MYZAP: variants seen among roughly 807,000 people sequenced by gnomAD.
MYZAP encodes myocardial zonula adherens protein.
In MYZAP, 66 loss-of-function variants were observed where a neutral mutation model predicts 69.4. The observed-to-expected ratio is 0.95, with a 90% CI of 0.78 to 1.17. The LOEUF (loss-of-function observed/expected upper bound fraction) is 1.17. Ranked by LOEUF, MYZAP falls within the 50% of genes most tolerant of loss-of-function variation. The pLI is 0.00. For synonymous variants in MYZAP, 256 were observed against 205.9 expected, an observed-to-expected ratio of 1.24 and a Z score of -2.09; for missense variants, 611 against 556.2, an observed-to-expected ratio of 1.10 and a Z score of -0.99.
chr15:57,653,071 G>A (rs1336757702), intron 10 of MYZAP, among the ~76,000 whole-genome samples: 2 of 152,012 alleles, frequency 1.3e-5, no homozygotes, highest in Non-Finnish European at 2.9e-5. Context: ...ATAAATGAGG[G>A]CCCACGAGAA....
chr15:57,609,980 T>C (rs1190205294), intron 2 of MYZAP, among the ~76,000 whole-genome samples: 1 of 152,208 alleles, frequency 6.6e-6, no homozygotes, highest in African/African-American at 2.4e-5. Flanking sequence ...ACACCAGCTA[T>C]TGCAGACTTA....
chr15:57,597,181 C>T (rs1201734001), intron 1 of MYZAP, among the ~76,000 whole-genome samples: 7 of 152,150 alleles, frequency 4.6e-5, no homozygotes, highest in Admixed American at 1.3e-4. Flanking sequence ...TCTGGGAAGT[C>T]CTCCAAATAT....
At chr15:57,670,661 T>C (rs568475146) in intron 11 of MYZAP, among the ~76,000 whole-genome samples, 1 of 152,204 alleles carries the variant, frequency 6.6e-6, no homozygotes, top group Non-Finnish European at 1.5e-5. Context: ...GTTTTGCTTA[T>C]TTTGCTTGCT....
chr15:57,596,615 C>T (rs2034075445), intron 1 of MYZAP, among the ~76,000 whole-genome samples: 1 of 152,178 alleles, frequency 6.6e-6, no homozygotes, highest in African/African-American at 2.4e-5. Flanking sequence ...TAAATCTAGT[C>T]TCCTGACTCG....
chr15:57,614,204 C>A (rs1433438803), intron 2 of MYZAP, among the ~76,000 whole-genome samples: 1 of 152,224 alleles, frequency 6.6e-6, no homozygotes, highest in Non-Finnish European at 1.5e-5. Context: ...CAGACCTCTC[C>A]CAACTTCTAA....
At chr15:57,646,259 ACT>A in intron 10 of MYZAP, 1 of 1,287,224 alleles carries the variant, frequency 7.8e-7, no homozygotes, top group African/African-American at 1.5e-5. Context: ...ACACTTGTAC[ACT>A]CTCTGCTGGG....
At chr15:57,678,411 G>A (rs1408792850) in intron 12 of MYZAP, among the ~76,000 whole-genome samples, 1 of 151,990 alleles carries the variant, frequency 6.6e-6, no homozygotes, top group Non-Finnish European at 1.5e-5. Context: ...CATGGTAACT[G>A]GACCAGAGTT....
chr15:57,596,791 T>G (rs1447918096), intron 1 of MYZAP, among the ~76,000 whole-genome samples: 1 of 152,198 alleles, frequency 6.6e-6, no homozygotes, highest in East Asian at 1.9e-4. Context: ...TCGATGCCGT[T>G]CCTTGCCTCT....
intron 1 of MYZAP, chr15:57,599,783 AGACTGTACTCG>A (rs1228696119): frequency 9.2e-7 from 1 of 1,091,266 alleles, no homozygotes; most frequent in Non-Finnish European, 1.2e-6. Context: ...GGAGGGAGGT[AGACTGTACTCG>A]GACAACTTTA....
At chr15:57,613,828 A>G (rs2934433) in intron 2 of MYZAP, among the ~76,000 whole-genome samples, 10,705 of 152,254 alleles carry the variant, frequency 0.07, 1,027 homozygotes, top group African/African-American at 0.22. Context: ...GGAAATAAAT[A>G]TACATCATCT....
At chr15:57,673,460 A>ATGTGTG (rs1195764391) in intron 11 of MYZAP, among the ~76,000 whole-genome samples, 6 of 72,866 alleles carry the variant, frequency 8.2e-5, no homozygotes, top group African/African-American at 3.1e-4. Context: ...GCATGCGTGC[A>ATGTGTG]TGCGTGTGTG....
At chr15:57,665,104 A>T (rs937276672) in intron 11 of MYZAP, among the ~76,000 whole-genome samples, 1 of 152,184 alleles carries the variant, frequency 6.6e-6, no homozygotes, top group Non-Finnish European at 1.5e-5. Flanking sequence ...CTCATCCTCA[A>T]AGTTGGAGAC....
chr15:57,618,361 T>C (rs2035608146), intron 3 of MYZAP, among the ~76,000 whole-genome samples, 173 bp downstream of exon 3: 1 of 152,256 alleles, frequency 6.6e-6, no homozygotes, highest in Admixed American at 6.5e-5. Flanking sequence ...AAAGTACAGA[T>C]GTAAATCTGC....
chr15:57,659,037 T>G (rs748746438), intron 10 of MYZAP, among the ~76,000 whole-genome samples: 1 of 152,198 alleles, frequency 6.6e-6, no homozygotes, highest in Non-Finnish European at 1.5e-5. Context: ...AGTTGATGCC[T>G]TTTTTACATC....
At chr15:57,597,359 A>G (rs2140314319) in intron 1 of MYZAP, among the ~76,000 whole-genome samples, 2 of 152,306 alleles carry the variant, frequency 1.3e-5, no homozygotes, top group East Asian at 3.9e-4. Context: ...AAGCATGAGT[A>G]TTTTTTAGGA....
At chr15:57,649,758 C>G (rs1377958721) in intron 10 of MYZAP, among the ~76,000 whole-genome samples, 1 of 152,066 alleles carries the variant, frequency 6.6e-6, no homozygotes, top group African/African-American at 2.4e-5. Context: ...AAGATAGTTT[C>G]TGTAATAGTT....
intron 11 of MYZAP, among the ~76,000 whole-genome samples, chr15:57,671,695 A>C (rs1367798624): frequency 6.6e-6 from 1 of 152,118 alleles, no homozygotes; most frequent in African/African-American, 2.4e-5. Flanking sequence ...AAAAAAATTC[A>C]GGTATTGTAC....
intron 8 of MYZAP, among the ~76,000 whole-genome samples, chr15:57,634,909 C>T (rs2036725241): frequency 6.6e-6 from 1 of 152,194 alleles, no homozygotes; most frequent in African/African-American, 2.4e-5. Context: ...AACAAGGGAG[C>T]TTTCTAGAGC....
chr15:57,605,514 G>A (rs141035793), intron 2 of MYZAP, among the ~76,000 whole-genome samples: 4 of 152,304 alleles, frequency 2.6e-5, no homozygotes, highest in Non-Finnish European at 5.9e-5. Context: ...CTAAGTGTTT[G>A]ATAATGTCCC....
Sources: gnomAD v4.1 joint callset for allele counts (sites outside exome capture counted in the v4.1 genomes callset) on GRCh38, gnomAD v4.1.1 for gene constraint, MANE v1.5 for transcripts, NCBI Gene and HGNC (gene_info 2026-07-23, HGNC 2026-07-21) for gene names.